Variants in MPP2 observed in about 807,000 individuals in gnomAD.
The protein encoded by MPP2 is MAGUK p55 scaffold protein 2, also known as MAGUK p55 subfamily member 2.
MPP2 carries 42 observed loss-of-function variants against 58.5 expected under a neutral mutation model. The ratio of observed to expected loss-of-function variants is 0.72; its 90% confidence interval spans 0.56 to 0.93. MPP2 has a LOEUF of 0.93. MPP2 is among the 40% of genes least tolerant of loss of function. The pLI is 0.00. For synonymous variants in MPP2, 300 were observed against 307.8 expected (o/e 0.97, Z 0.26); for missense variants, 632 against 760.4 (o/e 0.83, Z 1.99).
At chr17:43,900,657 G>T (rs1343757086) in intron 2 of MPP2, 1 of 1,422,970 alleles carries the variant, frequency 7.0e-7, no homozygotes. Flanking sequence ...GTCGAGGAGC[G>T]CCCTCTGAGG....
intron 2 of MPP2, among the ~76,000 whole-genome samples, chr17:43,900,852 G>A (rs939608541): frequency 5.3e-5 from 8 of 152,126 alleles, no homozygotes; most frequent in Non-Finnish European, 1.0e-4. Context: ...GGAGGAGGCG[G>A]CTAACAGGAA....
intron 3 of MPP2, among the ~76,000 whole-genome samples, chr17:43,893,654 C>G (rs540737805): frequency 9.5e-4 from 145 of 152,292 alleles, no homozygotes; most frequent in Middle Eastern, 3.4e-3. Flanking sequence ...GGGCACCAAC[C>G]CTACCGTGAA....
chr17:43,900,914 C>T (rs1017592978), intron 2 of MPP2, among the ~76,000 whole-genome samples: 5 of 152,070 alleles, frequency 3.3e-5, no homozygotes, highest in Non-Finnish European at 7.4e-5. Flanking sequence ...CGCGGTACTC[C>T]GAGACCCTCC....
At chr17:43,888,770 C>G (rs1486725177) in intron 3 of MPP2, among the ~76,000 whole-genome samples, 1 of 152,172 alleles carries the variant, frequency 6.6e-6, no homozygotes, top group African/African-American at 2.4e-5. Context: ...GACATTCCCA[C>G]CATGGGCTAA....
intron 3 of MPP2, among the ~76,000 whole-genome samples, chr17:43,888,167 G>A (rs1271704156): frequency 6.6e-6 from 1 of 152,190 alleles, no homozygotes; most frequent in Non-Finnish European, 1.5e-5. Context: ...GACAGCAGGT[G>A]CTCAATAAAG....
Position 43,876,836 on chromosome 17 carries a change from T to G in MPP2, c.*971A>C, listed in dbSNP as rs2046862696. On this transcript the variant is annotated 3_prime_UTR_variant, in exon 13 of 13. Transcript: ENST00000269095. ...AAGCCCAGGCTCCCAAGGTCCCCTC[T>G]GCACTCCTCCTTAGCCCCTCCAACC... 1 of 152,492 alleles carries G rather than the reference T, an allele frequency of 6.6e-6. No homozygotes were observed. Among genetic ancestry groups the G allele is most frequent in the Admixed American group, 6.5e-5 (1 of 15,288 alleles). The allele number at this position is 152,492 out of a possible 1,614,324, so 9.4% of individuals were successfully genotyped here.
At chr17:43,878,024 C>A in intron 12 of MPP2, 41 bp from the exon 13 acceptor site, 1 of 1,576,634 alleles carries the variant, frequency 6.3e-7, no homozygotes. Context: ...TCAGTGCCCA[C>A]AACTCACCCC....
chr17:43,896,252 C>G (rs1416520042), intron 3 of MPP2, among the ~76,000 whole-genome samples: 1 of 152,112 alleles, frequency 6.6e-6, no homozygotes, highest in African/African-American at 2.4e-5. Context: ...TGACGCCTGC[C>G]ATAGCCCTAC....
At position 43,879,355 on chromosome 17, in the gene MPP2, T is replaced by G. The variant is rs770784900; in HGVS notation, c.1402A>C (p.Ile468Leu). 7 of 1,614,020 alleles carry G rather than the reference T, an allele frequency of 4.3e-6. No homozygotes were observed. Among genetic ancestry groups the G allele is most frequent in the Non-Finnish European group, 5.9e-6 (7 of 1,180,018 alleles). Residue 468 changes from isoleucine (I) to leucine (L), a missense_variant, in exon 12 of 13, where the codon ATC (isoleucine) becomes CTC (leucine). Transcript: ENST00000269095. This position sits in a 1 kb window ranked among gnomAD's most constrained non-coding sequence, Gnocchi z 4.1. ...AGGGTCTCGAAGTCTGGGGCCTCGA[T>G]GAACACCACGTAAGGGACAAACTCG... ...TAEFVPYVVF[I>L]EAPDFETLRA...
chr17:43,898,846 T>G (rs2047967032), intron 2 of MPP2, among the ~76,000 whole-genome samples: 1 of 151,738 alleles, frequency 6.6e-6, no homozygotes, highest in African/African-American at 2.4e-5. Flanking sequence ...AGGTCTGTAA[T>G]TCTAGCTACT....
At position 43,880,850 on chromosome 17, in the gene MPP2, ACT is replaced by A; in HGVS notation, c.989_990del (p.Glu330ValfsTer2). The A allele has an allele frequency of 6.3e-7, 1 of 1,597,220 alleles. No homozygotes were observed. The highest frequency in any genetic ancestry group is 8.5e-7 in the Non-Finnish European group (1 of 1,169,768). ...TAAATGAGCAGCTCATGACGGTCAA[ACT>A]CTGGACACAGGGAGATGGCGCTGCT... ...RMMYLTTKNAEFDRHELLIYE... is the reference protein window; with the variant it reads ...RMMYLTTKNAXFDRHELLIYE... On this transcript the variant is annotated frameshift_variant and splice_region_variant, in exon 10 of 13. Transcript: ENST00000269095. LOFTEE classifies it high-confidence loss of function. This position sits in a 1 kb window ranked among gnomAD's most constrained non-coding sequence, Gnocchi z 5.2.
At position 43,882,383 on chromosome 17, in the gene MPP2, G is replaced by A; in HGVS notation, c.582C>T (p.Gly194=). The change falls in exon 6 of 13, where the codon GGC becomes GGT. Residue 194 remains glycine (G), a synonymous_variant. Transcript: ENST00000269095. ...IIKEVNGQPV[G]SDPRALQELL... is the part of the protein sequence containing the mutation. ...GCTCCTGCAGTGCGCGGGGGTCACT[G>A]CCCACTGGCTGCCCGTTCACCTCCT... The A allele has an allele frequency of 1.2e-6, 2 of 1,612,112 alleles. No individual in the cohort carries two copies. The highest frequency in any genetic ancestry group is 1.7e-6 in the Non-Finnish European group (2 of 1,179,988).
upstream of MPP2, among the ~76,000 whole-genome samples, chr17:43,908,618 G>A (rs1597824818): frequency 6.6e-6 from 1 of 152,304 alleles, no homozygotes; most frequent in East Asian, 1.9e-4. Context: ...GCGCGCGCCT[G>A]TAGTCCCAGC....
At chr17:43,903,326 C>T (rs1349669910) in intron 2 of MPP2, among the ~76,000 whole-genome samples, 1 of 151,668 alleles carries the variant, frequency 6.6e-6, no homozygotes, top group Non-Finnish European at 1.5e-5. Context: ...GATCTTGTCC[C>T]ATCATCTCAT....
chr17:43,902,419 C>T (rs937445747), intron 2 of MPP2, among the ~76,000 whole-genome samples: 1 of 152,194 alleles, frequency 6.6e-6, no homozygotes, highest in Non-Finnish European at 1.5e-5. Context: ...CCATTAAGCA[C>T]AGGCTCAGGG....
At chr17:43,909,479 G>T, upstream of MPP2, 1 of 1,053,484 alleles carries the variant, frequency 9.5e-7, no homozygotes, top group Non-Finnish European at 1.3e-6. Context: ...TTTGTATTTT[G>T]GAAGAGGAAG....
At chr17:43,878,852 C>G (rs529769539) in intron 12 of MPP2, among the ~76,000 whole-genome samples, 1 of 152,224 alleles carries the variant, frequency 6.6e-6, no homozygotes, top group Non-Finnish European at 1.5e-5. Flanking sequence ...TGCTCCCTGA[C>G]GCTGACTCAG....
At chr17:43,893,833 G>GT (rs2047705732) in intron 3 of MPP2, among the ~76,000 whole-genome samples, 2 of 152,174 alleles carry the variant, frequency 1.3e-5, no homozygotes, top group African/African-American at 4.8e-5. Context: ...GGGGACTGCT[G>GT]TATCAGAACA....
At chr17:43,898,687 A>G (rs773207666) in intron 2 of MPP2, among the ~76,000 whole-genome samples, 2 of 152,250 alleles carry the variant, frequency 1.3e-5, no homozygotes, top group African/African-American at 2.4e-5. Context: ...AAAGGGAAGC[A>G]GGTGTCAGGT....
Sources: allele counts gnomAD v4.1 joint callset (sites outside exome capture counted in the v4.1 genomes callset), GRCh38; gene constraint gnomAD v4.1.1; non-coding constraint Gnocchi (gnomAD v3.1); transcripts MANE v1.5; gene names NCBI Gene and HGNC (gene_info 2026-07-23, HGNC 2026-07-21).